SFTPD: variants seen among roughly 807,000 people sequenced by gnomAD.
SFTPD encodes surfactant protein D.
SFTPD carries 18 observed loss-of-function variants against 34.6 expected under a neutral mutation model. The ratio of observed to expected loss-of-function variants is 0.52; its 90% CI spans 0.36 to 0.77. The LOEUF (loss-of-function observed/expected upper bound fraction) is 0.77. Ranked by LOEUF, SFTPD falls within the 30% of genes least tolerant of loss-of-function variation. The pLI, the probability that SFTPD is intolerant of heterozygous loss-of-function variation, is 0.00. For synonymous variants in SFTPD, 155 were observed against 180.9 expected, an observed-to-expected ratio of 0.86 and a Z score of 1.15; for missense variants, 433 against 468.9, an observed-to-expected ratio of 0.92 and a Z score of 0.71.
At chr10:79,968,513 G>A (rs1202848230) in intron 1 of SFTPD, 1 of 152,130 alleles carries the variant, frequency 6.6e-6, no homozygotes, top group African/African-American at 2.4e-5. Context: ...TTTTATAGCT[G>A]TGTGGTATTC....
chr10:79,956,929 G>C (rs1172840907), intron 1 of SFTPD, among the ~76,000 whole-genome samples: 2 of 152,062 alleles, frequency 1.3e-5, no homozygotes, highest in Non-Finnish European at 2.9e-5. Context: ...ACCTCACACG[G>C]CCGGGTACTC....
At chr10:79,964,973 A>T (rs550233912) in intron 1 of SFTPD, among the ~76,000 whole-genome samples, 2 of 152,128 alleles carry the variant, frequency 1.3e-5, no homozygotes, top group Middle Eastern at 6.8e-3. Context: ...CCAATAATGG[A>T]CCAGCCTTTA....
chr10:79,954,163 TTGGTTTG>T (rs201170105), intron 1 of SFTPD, among the ~76,000 whole-genome samples: 22,268 of 152,190 alleles, frequency 0.15, 2,059 homozygotes, highest in East Asian at 0.41. Flanking sequence ...AGATTGTGGT[TTGGTTTG>T]GTTCATTTCT....
chr10:79,968,148 C>A (rs1842814125), intron 1 of SFTPD: 1 of 152,020 alleles, frequency 6.6e-6, no homozygotes, highest in African/African-American at 2.4e-5. Context: ...TATCCATAAC[C>A]TCAAATAGTT....
chr10:79,959,005 C>G (rs1238931820), intron 1 of SFTPD, among the ~76,000 whole-genome samples: 1 of 152,168 alleles, frequency 6.6e-6, no homozygotes, highest in African/African-American at 2.4e-5. Context: ...CAAAACTGCT[C>G]AACTACATGG....
At chr10:79,955,586 T>G (rs1842734087) in intron 1 of SFTPD, among the ~76,000 whole-genome samples, 1 of 152,242 alleles carries the variant, frequency 6.6e-6, no homozygotes, top group Non-Finnish European at 1.5e-5. Context: ...GGATTGCTTA[T>G]GCTCAGGTGC....
intron 1 of SFTPD, among the ~76,000 whole-genome samples, chr10:79,964,069 T>A (rs1031937215): frequency 1.3e-5 from 2 of 152,088 alleles, no homozygotes; most frequent in African/African-American, 4.8e-5. Flanking sequence ...TCCACACCTA[T>A]CATTGAGGCT....
intron 1 of SFTPD, 39 bp from the exon 2 acceptor site, chr10:79,946,701 C>T (rs1046150881): frequency 6.4e-7 from 1 of 1,571,158 alleles, no homozygotes; most frequent in African/African-American, 1.3e-5. Context: ...CATGCTTATG[C>T]TTCATGGACA....
intron 7 of SFTPD, among the ~76,000 whole-genome samples, chr10:79,940,247 G>T (rs1184863122): frequency 1.3e-5 from 2 of 152,208 alleles, no homozygotes; most frequent in African/African-American, 4.8e-5. Context: ...GCCCGTGTTG[G>T]GTAGCCCCTT....
At chr10:79,982,145 G>A (rs889060940) in intron 1 of SFTPD, 1 of 367,874 alleles carries the variant, frequency 2.7e-6, no homozygotes. Flanking sequence ...CTCCGGGCGC[G>A]CCTGGCGGGG....
In SFTPD at chr10:79,941,489, C is replaced by T. The variant is rs1472817986; in HGVS notation, c.576G>A (p.Gln192=). The T allele has an allele frequency of 6.2e-7, 1 of 1,611,054 alleles. No homozygotes were observed. Among genetic ancestry groups the T allele is most frequent in the Non-Finnish European group, 8.5e-7 (1 of 1,178,696 alleles). The change falls in exon 6 of 8, where the codon CAG becomes CAA. Residue 192 remains glutamine (Q), a synonymous_variant. Coordinates refer to ENST00000372292, the MANE Select transcript of SFTPD (RefSeq NM_003019.5). ...GGGGTCCCCTGGCACCTGGACTTCC[C>T]TGGGGACCCATGGCTCCAGCAGACC... ...AAGSAGAMGP[Q]GSPGARGPPG... is the part of the protein sequence containing the mutation.
intron 1 of SFTPD, among the ~76,000 whole-genome samples, chr10:79,956,263 G>T (rs1334002299): frequency 6.6e-6 from 1 of 152,226 alleles, no homozygotes; most frequent in African/African-American, 2.4e-5. Flanking sequence ...TTCCATCTGA[G>T]GTACCGGGTT....
At chr10:79,975,705 C>A (rs1166694622) in intron 1 of SFTPD, among the ~76,000 whole-genome samples, 1 of 152,150 alleles carries the variant, frequency 6.6e-6, no homozygotes, top group Non-Finnish European at 1.5e-5. Context: ...GAGCCCTGAA[C>A]AGAGATTTAA....
intron 1 of SFTPD, among the ~76,000 whole-genome samples, chr10:79,962,991 T>C (rs1274803011): frequency 6.6e-6 from 1 of 152,192 alleles, no homozygotes; most frequent in Non-Finnish European, 1.5e-5. Context: ...ATCATTTATC[T>C]ATCAGTCTAC....
intron 1 of SFTPD, among the ~76,000 whole-genome samples, chr10:79,958,995 C>G (rs1281764600): frequency 6.6e-6 from 1 of 152,184 alleles, no homozygotes; most frequent in Non-Finnish European, 1.5e-5. Flanking sequence ...GAAACTCACT[C>G]AAAACTGCTC....
upstream of SFTPD, among the ~76,000 whole-genome samples, chr10:79,953,554 C>A (rs920698793): frequency 2.6e-5 from 4 of 151,654 alleles, no homozygotes; most frequent in Non-Finnish European, 5.9e-5. Flanking sequence ...TTTTCTCCTG[C>A]TGCTTTCAAT....
At chr10:79,940,591 C>A in intron 7 of SFTPD, 114 bp downstream of exon 7, 3 of 682,402 alleles carry the variant, frequency 4.4e-6, no homozygotes, top group Non-Finnish European at 8.0e-6. Flanking sequence ...CCAGGGCAGG[C>A]TCTGCCTCAG....
upstream of SFTPD, chr10:79,950,092 C>T (rs1322569452): frequency 6.6e-6 from 1 of 152,148 alleles, no homozygotes; most frequent in Non-Finnish European, 1.5e-5. Flanking sequence ...ATTCTCCTGC[C>T]TCAGCCTACC....
chr10:79,940,757 G>A lies in SFTPD; in HGVS notation c.699C>T (p.Ala233=). The A allele has an allele frequency of 6.2e-7, 1 of 1,612,272 alleles. No individual in the cohort carries two copies. Among genetic ancestry groups the A allele is most frequent in the Non-Finnish European group, 8.5e-7 (1 of 1,178,468 alleles). ...GGAGGTGCTGTACTTGTCCCTGTAAGGCCTCAACCTGCTGCCTCAGAGAAG... is the reference window on the plus strand; with the variant it reads ...GGAGGTGCTGTACTTGTCCCTGTAAAGCCTCAACCTGCTGCCTCAGAGAAG... ...DVASLRQQVE[A]LQGQVQHLQA... Residue 233 remains alanine (A), a synonymous_variant, in exon 7 of 8, where the codon GCC becomes GCT. Transcript: ENST00000372292.
Sources: gnomAD v4.1 joint callset for allele counts (sites outside exome capture counted in the v4.1 genomes callset) on GRCh38, gnomAD v4.1.1 for gene constraint, MANE v1.5 for transcripts, NCBI Gene and HGNC (gene_info 2026-07-23, HGNC 2026-07-21) for gene names.